FBN2: variants seen among roughly 807,000 people sequenced by gnomAD.
FBN2 encodes the protein fibrillin 2.
FBN2 carries 105 observed loss-of-function variants against 355.6 expected under a neutral mutation model. The ratio of observed to expected loss-of-function variants is 0.30; its 90% CI spans 0.25 to 0.35. FBN2 has a LOEUF of 0.35. FBN2 is among the 10% of genes least tolerant of loss of function. The pLI, the probability that FBN2 is intolerant of heterozygous loss-of-function variation, is 1.00. For synonymous variants in FBN2, 1,350 were observed against 1,301.2 expected, an observed-to-expected ratio of 1.04 and a Z score of -0.81; for missense variants, 3,280 against 3,758.7, an observed-to-expected ratio of 0.87 and a Z score of 3.33.
chr5:128,350,298 G>A (rs772970904), intron 21 of FBN2, among the ~76,000 whole-genome samples: 1 of 152,176 alleles, frequency 6.6e-6, no homozygotes. Context: ...GGTGGCTCAC[G>A]CCTGTAATCC....
chr5:128,513,900 A>C (rs1296517376), intron 5 of FBN2, among the ~76,000 whole-genome samples: 1 of 151,966 alleles, frequency 6.6e-6, no homozygotes, highest in African/African-American at 2.4e-5. Flanking sequence ...CAACTGAGCT[A>C]GTGCCAAAAA....
intron 3 of FBN2, among the ~76,000 whole-genome samples, chr5:128,529,323 A>C (rs1291875354): frequency 6.6e-6 from 1 of 152,176 alleles, no homozygotes; most frequent in East Asian, 1.9e-4. Context: ...GAGACTAAAA[A>C]GGAATGATCA....
At chr5:128,420,889 A>G (rs1421829246) in intron 7 of FBN2, among the ~76,000 whole-genome samples, 1 of 152,224 alleles carries the variant, frequency 6.6e-6, no homozygotes, top group Non-Finnish European at 1.5e-5. Context: ...TCCATCAAAG[A>G]AGATTAACAA....
Position 128,537,912 on chromosome 5 carries a change from T to C in FBN2, c.-309A>G, listed in dbSNP as rs7732639. Reference sequence around the variant, plus strand: ...AAAGCCCCGAGCGACTCCAGGACCGTCAGCGGGCGGGGGAGGAAATTACAA... The same window carrying C: ...AAAGCCCCGAGCGACTCCAGGACCGCCAGCGGGCGGGGGAGGAAATTACAA... On this transcript the variant is annotated 5_prime_UTR_variant, in exon 1 of 65. Coordinates refer to ENST00000262464, the MANE Select transcript of FBN2 (RefSeq NM_001999.4). 148,646 of 427,928 alleles carry C rather than the reference T, an allele frequency of 0.35. 32,656 individuals carry two copies. Among genetic ancestry groups the C allele is most frequent in the African/African-American group, 0.81 (38,788 of 48,178 alleles). 26.5% of individuals were successfully genotyped at this position (427,928 alleles called of 1,614,324 possible).
At chr5:128,277,742 T>C in intron 58 of FBN2, 138 bp downstream of exon 58, 1 of 997,410 alleles carries the variant, frequency 1.0e-6, no homozygotes, top group Non-Finnish European at 1.5e-6. Context: ...AGCACATTAT[T>C]GAGAGGATGG....
chr5:128,485,592 T>G (rs535126844), intron 5 of FBN2, among the ~76,000 whole-genome samples: 1 of 152,268 alleles, frequency 6.6e-6, no homozygotes, highest in Non-Finnish European at 1.5e-5. Context: ...TTTATGTTCC[T>G]TAAAAATATA....
intron 50 of FBN2, 126 bp downstream of exon 50, chr5:128,290,606 C>A: frequency 2.0e-6 from 2 of 1,001,728 alleles, no homozygotes; most frequent in Non-Finnish European, 3.2e-6. Flanking sequence ...AATGAACCAT[C>A]AAAACTTATA....
At position 128,471,127 on chromosome 5, in the gene FBN2, A is replaced by T. The variant is rs1754849305; in HGVS notation, c.629-6206T>A. Among the ~76,000 whole-genome samples the T allele has an allele frequency of 2.0e-5, 3 of 152,142 alleles. No individual in the cohort carries two copies. The South Asian group carries it at 6.2e-4, about 32-fold the overall frequency. The stretch of plus-strand genomic sequence containing the variant: ...TGATCATCTTGTATGGGAGTTACAG[A>T]CATAAACATGTAAAATAAAGAATTC... On this transcript the variant is annotated intron_variant, in intron 5 of 64. Coordinates refer to ENST00000262464, the MANE Select transcript of FBN2 (RefSeq NM_001999.4).
At chr5:128,498,708 T>C (rs2127136455) in intron 5 of FBN2, among the ~76,000 whole-genome samples, 1 of 152,334 alleles carries the variant, frequency 6.6e-6, no homozygotes. Flanking sequence ...CTTATGAATG[T>C]CAGTAATTAT....
Position 128,317,378 on chromosome 5 carries a change from T to A in FBN2, c.4717+771A>T, listed in dbSNP as rs903578428. Among the ~76,000 whole-genome samples, 14 of 152,278 alleles carry A rather than the reference T, an allele frequency of 9.2e-5. 1 individual carries two copies. Among genetic ancestry groups the A allele is most frequent in the South Asian group, 4.1e-4 (2 of 4,820 alleles). ...TGAATGGAAAACACAGACTTGGAGT[T>A]TGTGTAAATGATAATTAAAAGTATT... On this transcript the variant is annotated intron_variant, in intron 36 of 64. Coordinates refer to ENST00000262464, the MANE Select transcript of FBN2 (RefSeq NM_001999.4).
In FBN2 at chr5:128,300,922, C is replaced by A; in HGVS notation, c.6061G>T (p.Val2021Phe). The change falls in exon 48 of 65, where the codon GTC becomes TTC. Residue 2021 changes from valine to phenylalanine, a missense_variant. This residue lies in a region of FBN2 where 2,284 missense variants were observed against 2,749.5 expected (regional missense o/e 0.83). Transcript: ENST00000262464. ...GKNCIDTNEC[V>F]ALPGSCSPGT... The stretch of plus-strand genomic sequence containing the variant: ...GGAGAGCAAGAGCCGGGAAGGGCGA[C>A]ACACTCATTAGTGTCTTTAGAGAAA... The A allele has an allele frequency of 1.2e-6, 2 of 1,613,640 alleles. No individual in the cohort carries two copies. Among genetic ancestry groups the A allele is most frequent in the African/African-American group, 1.3e-5 (1 of 75,048 alleles).
rs371576585 is a variant in FBN2 at position 128,475,274 on chromosome 5, T to C, written c.629-10353A>G. On this transcript the variant is annotated intron_variant, in intron 5 of 64. Transcript: ENST00000262464. The stretch of plus-strand genomic sequence containing the variant: ...TATTTTATACAGCCTGAAAATGTGT[T>C]ATTGTCAGGGAAACCCATATAACTT... 4.4e-4 allele frequency among the ~76,000 whole-genome samples: 67 copies of C among 152,284 alleles called. 1 individual carries two copies. The South Asian group carries it at 0.014, about 31-fold the overall frequency.
At chr5:128,498,305 C>T (rs1755710539) in intron 5 of FBN2, among the ~76,000 whole-genome samples, 1 of 152,188 alleles carries the variant, frequency 6.6e-6, no homozygotes, top group Non-Finnish European at 1.5e-5. Flanking sequence ...CAAAAATCTC[C>T]AACATCTCAC....
chr5:128,288,579 C>T (rs774731941), intron 52 of FBN2, 22 bp from the exon 53 acceptor site: 1 of 1,612,016 alleles, frequency 6.2e-7, no homozygotes, highest in Non-Finnish European at 8.5e-7. Flanking sequence ...GAATAAGAAA[C>T]TGCCACAAAG....
chr5:128,296,084 T>A (rs1306949166), intron 48 of FBN2, among the ~76,000 whole-genome samples: 2 of 152,120 alleles, frequency 1.3e-5, no homozygotes, highest in African/African-American at 4.8e-5. Flanking sequence ...TTCTGCATCT[T>A]TTGAGATAAT....
chr5:128,493,647 T>C (rs369773390), intron 5 of FBN2, among the ~76,000 whole-genome samples: 140 of 152,190 alleles, frequency 9.2e-4, no homozygotes, highest in African/African-American at 3.3e-3. Flanking sequence ...GTTAGCACTT[T>C]CAAAAATTCT....
At chr5:128,321,760 C>T (rs1750381238) in intron 34 of FBN2, among the ~76,000 whole-genome samples, 2 of 152,126 alleles carry the variant, frequency 1.3e-5, no homozygotes, top group South Asian at 4.1e-4. Flanking sequence ...CATATGTGTG[C>T]ATGTGTCTTT....
At chr5:128,286,624 G>A (rs751400590) in intron 55 of FBN2, 94 bp downstream of exon 55, 6 of 1,440,292 alleles carry the variant, frequency 4.2e-6, no homozygotes, top group Non-Finnish European at 5.9e-6. Flanking sequence ...TGGAAAAAGA[G>A]TTGGCTTGCA....
chr5:128,346,930 T>C (rs183500170), intron 23 of FBN2, among the ~76,000 whole-genome samples: 10 of 152,332 alleles, frequency 6.6e-5, no homozygotes, highest in Admixed American at 3.9e-4. Context: ...GATTCTGTCT[T>C]ATATATCTAC....
Sources: gnomAD v4.1 joint callset for allele counts (sites outside exome capture counted in the v4.1 genomes callset) on GRCh38, gnomAD v4.1.1 for gene constraint, gnomAD v4.1.1 regional missense constraint, MANE v1.5 for transcripts, NCBI Gene and HGNC (gene_info 2026-07-23, HGNC 2026-07-21) for gene names.